The following CDH12 variants were observed in gnomAD, a reference collection of about 807,000 sequenced individuals.
CDH12 encodes the protein cadherin 12.
A neutral mutation model predicts 74.1 loss-of-function variants in CDH12; 41 were observed. The ratio of observed to expected loss-of-function variants is 0.55; its 90% CI spans 0.43 to 0.72. The LOEUF (loss-of-function observed/expected upper bound fraction) is 0.72, where lower values mean the gene tolerates loss of function less well. CDH12 is among the 30% of genes least tolerant of loss of function. The pLI is 0.00. For synonymous variants in CDH12, 399 were observed against 355.0 expected (o/e 1.12, Z -1.39); for missense variants, 945 against 977.2 (o/e 0.97, Z 0.44).
intron 3 of CDH12, among the ~76,000 whole-genome samples, chr5:22,350,888 C>T (rs1740330929): frequency 1.3e-5 from 2 of 152,140 alleles, no homozygotes; most frequent in African/African-American, 2.4e-5. Flanking sequence ...TGGGATTTCA[C>T]ATCTAGCAGA....
intron 1 of CDH12, among the ~76,000 whole-genome samples, chr5:22,623,612 A>G (rs868574793): frequency 5.6e-4 from 85 of 152,228 alleles, no homozygotes; most frequent in African/African-American, 1.5e-3. Flanking sequence ...TACAAGGGAC[A>G]TGAAGGACCT....
rs139189320 is a variant in CDH12, at chr5:22,471,983, A to C, written c.-428+33287T>G. On this transcript the variant is annotated intron_variant, in intron 2 of 14. Transcript: ENST00000382254. The stretch of plus-strand genomic sequence containing the variant: ...CTGAAGATTTATAGTCAAGGAGAAC[A>C]GTAAGAAGGTCACTGGGTAGAAAAT... Among the ~76,000 whole-genome samples the C allele has an allele frequency of 1.2e-4, 18 of 152,328 alleles. No homozygotes were observed. The East Asian group carries it at 2.1e-3, about 18-fold the overall frequency.
intron 3 of CDH12, among the ~76,000 whole-genome samples, chr5:22,235,352 TG>T (rs1561243800): frequency 6.6e-6 from 1 of 152,028 alleles, no homozygotes; most frequent in African/African-American, 2.4e-5. Context: ...AGGCCAAGGC[TG>T]GGGGATCACT....
chr5:22,662,456 G>C (rs963492444), intron 1 of CDH12, among the ~76,000 whole-genome samples: 1 of 152,040 alleles, frequency 6.6e-6, no homozygotes, highest in African/African-American at 2.4e-5. Flanking sequence ...GGAGTCATAC[G>C]GAACAAAAAG....
chr5:22,524,262 T>G (rs956706889), intron 1 of CDH12, among the ~76,000 whole-genome samples: 1 of 152,158 alleles, frequency 6.6e-6, no homozygotes, highest in African/African-American at 2.4e-5. Context: ...GCTGGGATTA[T>G]AGGTGTGAGA....
At chr5:22,445,178 A>T (rs2126549607) in intron 2 of CDH12, among the ~76,000 whole-genome samples, 1 of 152,230 alleles carries the variant, frequency 6.6e-6, no homozygotes, top group East Asian at 1.9e-4. Flanking sequence ...TTTATAGGAA[A>T]CACAAAGAAC....
intron 7 of CDH12, among the ~76,000 whole-genome samples, chr5:21,844,599 T>G (rs1018940309): frequency 6.6e-6 from 1 of 152,140 alleles, no homozygotes; most frequent in African/African-American, 2.4e-5. Context: ...GGCAGGGCTG[T>G]GAGTGTGATG....
At chr5:22,258,598 T>C (rs1753403042) in intron 3 of CDH12, among the ~76,000 whole-genome samples, 2 of 152,154 alleles carry the variant, frequency 1.3e-5, no homozygotes, top group Non-Finnish European at 2.9e-5. Context: ...ACTCATTCAC[T>C]GACTTACTCA....
chr5:21,853,786 G>A (rs1750602204), intron 7 of CDH12, among the ~76,000 whole-genome samples: 1 of 151,418 alleles, frequency 6.6e-6, no homozygotes, highest in African/African-American at 2.4e-5. Flanking sequence ...AAATTTAAAA[G>A]GTAACTTATT....
chr5:22,279,750 T>C (rs952316162), intron 3 of CDH12, among the ~76,000 whole-genome samples: 26 of 152,256 alleles, frequency 1.7e-4, no homozygotes, highest in African/African-American at 5.3e-4. Flanking sequence ...TGTATATGTG[T>C]CACATTTTCT....
intron 1 of CDH12, among the ~76,000 whole-genome samples, chr5:22,639,989 A>G (rs536516114): frequency 6.6e-6 from 1 of 152,360 alleles, no homozygotes; most frequent in African/African-American, 2.4e-5. Flanking sequence ...AGAAAAAAAT[A>G]ATGAATTTAA....
chr5:22,145,600 T>C lies in CDH12; in HGVS notation c.-186-66738A>G, dbSNP rs564228126. 1.2e-4 allele frequency among the ~76,000 whole-genome samples: 19 copies of C among 152,144 alleles called. No individual in the cohort carries two copies. In the East Asian group the frequency reaches 3.5e-3, roughly 28 times the overall value. ...CACAATATATCAATTTTTTAACCCA[T>C]TTAGGTAGAAATATGGGTATATAGA... is the stretch of plus-strand genomic sequence containing the variant. On this transcript the variant is annotated intron_variant, in intron 4 of 14. Coordinates refer to ENST00000382254, the MANE Select transcript of CDH12 (RefSeq NM_004061.5).
intron 7 of CDH12, among the ~76,000 whole-genome samples, chr5:21,842,979 C>T (rs1428576621): frequency 6.6e-6 from 1 of 152,110 alleles, no homozygotes; most frequent in African/African-American, 2.4e-5. Flanking sequence ...GAATAAATCT[C>T]TAAATAATTA....
chr5:22,507,911 C>T (rs866628967), intron 1 of CDH12, among the ~76,000 whole-genome samples: 2 of 152,168 alleles, frequency 1.3e-5, no homozygotes, highest in Admixed American at 6.5e-5. Flanking sequence ...TGACTGCCAT[C>T]GTGCCTTGCC....
At chr5:21,950,978 G>A (rs1755834601) in intron 6 of CDH12, among the ~76,000 whole-genome samples, 1 of 151,070 alleles carries the variant, frequency 6.6e-6, no homozygotes, top group Non-Finnish European at 1.5e-5. Context: ...TAGTAGAGAC[G>A]GGGTTTCACC....
At chr5:22,173,135 T>C (rs1229531198) in intron 4 of CDH12, among the ~76,000 whole-genome samples, 1 of 151,134 alleles carries the variant, frequency 6.6e-6, no homozygotes, top group East Asian at 1.9e-4. Flanking sequence ...CTTTATTGAT[T>C]TTCATTTAGC....
intron 1 of CDH12, among the ~76,000 whole-genome samples, chr5:22,562,673 T>A (rs1739109220): frequency 6.6e-6 from 1 of 151,376 alleles, no homozygotes; most frequent in African/African-American, 2.4e-5. Context: ...GGAAGATGAG[T>A]CAGTTATGAA....
chr5:22,075,698 G>C (rs572516199), intron 5 of CDH12, among the ~76,000 whole-genome samples: 1 of 152,078 alleles, frequency 6.6e-6, no homozygotes, highest in Non-Finnish European at 1.5e-5. Context: ...AGAAGGCTAC[G>C]AGTAGTTAAG....
At chr5:22,221,483 C>T (rs1377618322) in intron 3 of CDH12, among the ~76,000 whole-genome samples, 2 of 151,884 alleles carry the variant, frequency 1.3e-5, no homozygotes, top group African/African-American at 4.8e-5. Context: ...TCCACAATAT[C>T]TTTATCACAT....
Sources: allele counts gnomAD v4.1 joint callset (sites outside exome capture counted in the v4.1 genomes callset), GRCh38; gene constraint gnomAD v4.1.1; transcripts MANE v1.5; gene names NCBI Gene and HGNC (gene_info 2026-07-23, HGNC 2026-07-21).